Variants in THSD7A observed in about 807,000 individuals in gnomAD.
The protein encoded by THSD7A is thrombospondin type 1 domain containing 7A.
THSD7A carries 96 observed loss-of-function variants against 231.3 expected under a neutral mutation model. That is an observed-to-expected ratio of 0.41 (90% CI 0.35 to 0.49). The LOEUF (loss-of-function observed/expected upper bound fraction) is 0.49, where lower values mean the gene tolerates loss of function less well. Among genes scored for constraint, THSD7A ranks in the 20% least tolerant of loss-of-function variants. THSD7A has a pLI of 0.05. For missense variants in THSD7A, 2,290 were observed against 2,070.2 expected (o/e 1.11, Z -2.06); for synonymous variants, 940 against 743.3 (o/e 1.26, Z -4.30).
chr7:11,438,980 A>G (rs1583742774), intron 13 of THSD7A, among the ~76,000 whole-genome samples: 1 of 151,950 alleles, frequency 6.6e-6, no homozygotes, highest in Non-Finnish European at 1.5e-5. Flanking sequence ...TCTCTTTGCA[A>G]TTTTAATAAT....
intron 1 of THSD7A, among the ~76,000 whole-genome samples, chr7:11,649,544 C>A (rs964030413): frequency 2.6e-5 from 4 of 151,954 alleles, no homozygotes; most frequent in African/African-American, 7.2e-5. Context: ...GTGCAGGGGC[C>A]AGCAGCTGGA....
intron 2 of THSD7A, among the ~76,000 whole-genome samples, chr7:11,635,102 C>T (rs1027283474): frequency 9.2e-5 from 14 of 152,184 alleles, no homozygotes; most frequent in African/African-American, 3.4e-4. Context: ...ATAAGAAAAA[C>T]AATCCAGCTG....
At chr7:11,525,425 A>T (rs946042166) in intron 6 of THSD7A, among the ~76,000 whole-genome samples, 1 of 152,206 alleles carries the variant, frequency 6.6e-6, no homozygotes, top group Non-Finnish European at 1.5e-5. Flanking sequence ...ATCACTGTCA[A>T]TAAAGCCATA....
At chr7:11,625,807 G>A (rs909742050) in intron 2 of THSD7A, among the ~76,000 whole-genome samples, 2 of 151,930 alleles carry the variant, frequency 1.3e-5, no homozygotes, top group African/African-American at 4.8e-5. Flanking sequence ...ATTCTTGTTT[G>A]AGTCAGAGCG....
Position 11,541,484 on chromosome 7 carries a change from G to A in THSD7A, c.1757C>T (p.Pro586Leu). ...TGGACCACACTCCTTTCCGTTATCT[G>A]GCTCGCAGTTTCCCAGTCTCACTGC... is the stretch of plus-strand genomic sequence containing the variant. Reference protein sequence around the residue: ...WKAVRLGNCEPDNGKECGPGT... With the variant: ...WKAVRLGNCELDNGKECGPGT... Residue 586 changes from proline to leucine, a missense_variant, in exon 6 of 28, where the codon CCA becomes CTA. Transcript: ENST00000423059. 6.2e-7 allele frequency: 1 copy of A among 1,613,892 alleles called. No homozygotes were observed. The highest frequency in any genetic ancestry group is 8.5e-7 in the Non-Finnish European group (1 of 1,179,876).
intron 1 of THSD7A, among the ~76,000 whole-genome samples, chr7:11,644,786 G>A (rs147122453): frequency 0.016 from 2,502 of 151,874 alleles, 37 homozygotes; most frequent in Non-Finnish European, 0.022. Context: ...ACCTCTTTGC[G>A]TTCTGGTTTC....
Position 11,406,953 on chromosome 7 carries a change from C to T in THSD7A, c.4019G>A (p.Cys1340Tyr). The T allele has an allele frequency of 6.2e-7, 1 of 1,613,872 alleles. No homozygotes were observed. The highest frequency in any genetic ancestry group is 1.3e-5 in the African/African-American group (1 of 75,032). Residue 1340 changes from cysteine to tyrosine, a missense_variant, in exon 21 of 28, where the codon TGT (cysteine) becomes TAT (tyrosine). Cys to Tyr is a radical substitution (Grantham distance 194). Transcript: ENST00000423059. This position sits in a 1 kb window ranked among gnomAD's most constrained non-coding sequence, Gnocchi z 4.7. ...CCACTGGCCATATTGCCACCGATAA[C>T]AAGGCTTCACTGGGCAGGGTTTGGA... ...DQSKPCPVKP[C>Y]YRWQYGQWSP...
At chr7:11,459,707 A>C (rs1785432166) in intron 11 of THSD7A, among the ~76,000 whole-genome samples, 1 of 113,746 alleles carries the variant, frequency 8.8e-6, no homozygotes, top group Admixed American at 8.8e-5. Flanking sequence ...TTTTTACAAA[A>C]CAGAAGCATT....
rs1207284052 is a variant in THSD7A, at chr7:11,373,379, C to A, written c.*2415G>T. ...TTGGACAAATGGAGTTTATTTTATT[C>A]AAAGAGATCAACTTTAGGATTATCT... is the stretch of plus-strand genomic sequence containing the variant. On this transcript the variant is annotated 3_prime_UTR_variant, in exon 28 of 28. Coordinates refer to ENST00000423059, the MANE Select transcript of THSD7A (RefSeq NM_015204.3). 6.6e-6 allele frequency: 1 copy of A among 151,868 alleles called. No individual in the cohort carries two copies. Among genetic ancestry groups the A allele is most frequent in the Non-Finnish European group, 1.5e-5 (1 of 67,908 alleles). The allele number at this position is 151,868 out of a possible 1,614,324, so 9.4% of individuals were successfully genotyped here.
intron 1 of THSD7A, among the ~76,000 whole-genome samples, chr7:11,781,035 A>AAAAAAAT (rs1185567161): frequency 3.0e-5 from 4 of 133,702 alleles, no homozygotes; most frequent in Non-Finnish European, 4.8e-5. Flanking sequence ...AAAAAAAAAA[A>AAAAAAAT]AAATTTATAG....
chr7:11,737,432 A>G (rs1360175785), intron 1 of THSD7A, among the ~76,000 whole-genome samples: 1 of 152,046 alleles, frequency 6.6e-6, no homozygotes. Context: ...AAGAAGACAG[A>G]GGACTATGCA....
At chr7:11,725,470 TGC>T (rs1337955670) in intron 1 of THSD7A, among the ~76,000 whole-genome samples, 2 of 152,008 alleles carry the variant, frequency 1.3e-5, no homozygotes, top group African/African-American at 4.8e-5. Flanking sequence ...GTAGTGAATC[TGC>T]TAAGATTCAC....
chr7:11,761,740 CCTTT>C (rs953736360), intron 1 of THSD7A, among the ~76,000 whole-genome samples: 9 of 151,740 alleles, frequency 5.9e-5, no homozygotes, highest in Non-Finnish European at 8.8e-5. Flanking sequence ...GAATTGCATT[CCTTT>C]CTTTCTTTCT....
At chr7:11,703,646 G>C (rs1780674273) in intron 1 of THSD7A, among the ~76,000 whole-genome samples, 1 of 151,220 alleles carries the variant, frequency 6.6e-6, no homozygotes, top group Non-Finnish European at 1.5e-5. Flanking sequence ...TTTTTGTTGA[G>C]AGAATATTAA....
intron 1 of THSD7A, among the ~76,000 whole-genome samples, chr7:11,804,558 C>T (rs1784353166): frequency 6.6e-6 from 1 of 152,130 alleles, no homozygotes; most frequent in Non-Finnish European, 1.5e-5. Flanking sequence ...AAAAGTGATA[C>T]ACAAAGTGCT....
chr7:11,721,944 C>T (rs1359187230), intron 1 of THSD7A, among the ~76,000 whole-genome samples: 1 of 151,690 alleles, frequency 6.6e-6, no homozygotes, highest in Non-Finnish European at 1.5e-5. Flanking sequence ...TTATGCACCC[C>T]TTCCCAATTC....
intron 1 of THSD7A, among the ~76,000 whole-genome samples, chr7:11,731,971 G>A (rs1241864484): frequency 6.6e-6 from 1 of 151,628 alleles, no homozygotes; most frequent in African/African-American, 2.4e-5. Flanking sequence ...TTTATGACAT[G>A]TTGCTATGTG....
At chr7:11,464,836 G>A (rs922042921) in intron 9 of THSD7A, among the ~76,000 whole-genome samples, 3 of 152,150 alleles carry the variant, frequency 2.0e-5, no homozygotes, top group Admixed American at 2.0e-4. Flanking sequence ...TTTACCCATT[G>A]GCAGGTCTGT....
At chr7:11,815,087 A>T (rs1284716544) in intron 1 of THSD7A, among the ~76,000 whole-genome samples, 1 of 151,612 alleles carries the variant, frequency 6.6e-6, no homozygotes, top group Non-Finnish European at 1.5e-5. Flanking sequence ...AAAACTCAAA[A>T]AAAAAAAGAA....
Sources: allele counts gnomAD v4.1 joint callset (sites outside exome capture counted in the v4.1 genomes callset), GRCh38; gene constraint gnomAD v4.1.1; non-coding constraint Gnocchi (gnomAD v3.1); transcripts MANE v1.5; gene names NCBI Gene and HGNC (gene_info 2026-07-23, HGNC 2026-07-21).